Variants in ASTN2 observed in about 807,000 individuals in gnomAD.
ASTN2 encodes the protein astrotactin-2.
Under a neutral mutation model 139.8 loss-of-function variants are expected in ASTN2, and 54 were observed. The ratio of observed to expected loss-of-function variants is 0.39; its 90% CI spans 0.31 to 0.48. The LOEUF (loss-of-function observed/expected upper bound fraction) is 0.48. ASTN2 is among the 20% of genes least tolerant of loss of function. ASTN2 has a pLI of 0.95. For missense variants in ASTN2, 1,565 were observed against 1,725.1 expected (o/e 0.91, Z 1.64); for synonymous variants, 756 against 719.5 (o/e 1.05, Z -0.81).
intron 6 of ASTN2, among the ~76,000 whole-genome samples, chr9:117,025,323 C>T (rs1048407647): frequency 6.6e-6 from 1 of 152,140 alleles, no homozygotes; most frequent in African/African-American, 2.4e-5. Flanking sequence ...TGGCAATATG[C>T]CCACAATGTG....
rs12343084 is a variant in ASTN2, at chr9:116,522,925, A to T, written c.3356-35425T>A. Among the ~76,000 whole-genome samples, 26 of 152,316 alleles carry T rather than the reference A, an allele frequency of 1.7e-4. No homozygotes were observed. In the South Asian group the frequency reaches 2.3e-3, roughly 13 times the overall value. On this transcript the variant is annotated intron_variant, in intron 19 of 22. Transcript: ENST00000313400. ...AGCTATTAACTATGAATAAAAAAAT[A>T]AAATTTAGAAATTCTACGGCTATCA...
intron 1 of ASTN2, among the ~76,000 whole-genome samples, chr9:117,300,514 G>A (rs1834849013): frequency 6.6e-6 from 1 of 152,228 alleles, no homozygotes; most frequent in Admixed American, 6.5e-5. Context: ...GATGATAAGT[G>A]TGTGGTAATG....
intron 10 of ASTN2, among the ~76,000 whole-genome samples, chr9:116,869,081 A>C (rs1833088219): frequency 6.6e-6 from 1 of 152,116 alleles, no homozygotes. Flanking sequence ...GCTACTCGGG[A>C]GGCTGAAGCA....
chr9:116,487,977 T>C (rs1023285799), intron 19 of ASTN2, among the ~76,000 whole-genome samples: 2 of 152,152 alleles, frequency 1.3e-5, no homozygotes, highest in African/African-American at 4.8e-5. Flanking sequence ...CTGTTAGGCA[T>C]GGGTACTGGA....
intron 13 of ASTN2, among the ~76,000 whole-genome samples, chr9:116,788,456 A>T (rs1400482103): frequency 6.6e-6 from 1 of 152,206 alleles, no homozygotes; most frequent in South Asian, 2.1e-4. Flanking sequence ...TAGTATTTGT[A>T]CATTAAAATA....
intron 13 of ASTN2, among the ~76,000 whole-genome samples, chr9:116,793,200 G>T (rs1289359128): frequency 6.6e-6 from 1 of 152,034 alleles, no homozygotes; most frequent in African/African-American, 2.4e-5. Flanking sequence ...TTTGTCCTAC[G>T]GATATATTAG....
At chr9:116,976,545 G>A (rs555750844) in intron 8 of ASTN2, among the ~76,000 whole-genome samples, 156 bp downstream of exon 8, 1 of 152,288 alleles carries the variant, frequency 6.6e-6, no homozygotes, top group East Asian at 1.9e-4. Context: ...GATTCCATGG[G>A]AAAGTAGGAT....
intron 19 of ASTN2, among the ~76,000 whole-genome samples, chr9:116,542,762 C>G (rs991966432): frequency 1.3e-5 from 2 of 151,308 alleles, no homozygotes; most frequent in Non-Finnish European, 3.0e-5. Flanking sequence ...TCCAAAAATA[C>G]AAAAAGTAGC....
chr9:116,898,056 A>C lies in ASTN2; in HGVS notation c.1890-34323T>G, dbSNP rs60744800. On this transcript the variant is annotated intron_variant, in intron 10 of 22. Transcript: ENST00000313400. ...CATGCATTTTTAAGTGAACTTAAAA[A>C]AAGAGAGAAATGTCTAGTACGTAGC... is the stretch of plus-strand genomic sequence containing the variant. 4.0e-3 allele frequency among the ~76,000 whole-genome samples: 610 copies of C among 152,258 alleles called. 5 individuals are homozygous for C. The highest frequency in any genetic ancestry group is 0.014 in the African/African-American group (580 of 41,542).
intron 17 of ASTN2, among the ~76,000 whole-genome samples, chr9:116,628,552 C>T (rs1032331693): frequency 6.6e-6 from 1 of 151,898 alleles, no homozygotes; most frequent in Non-Finnish European, 1.5e-5. Context: ...TAAAAGGATC[C>T]GTGGTTTCCA....
intron 16 of ASTN2, chr9:116,697,530 A>G (rs1394563048): frequency 1.6e-6 from 1 of 614,846 alleles, no homozygotes; most frequent in Non-Finnish European, 2.8e-6. Context: ...GACATATAAT[A>G]GACCTCAATA....
intron 10 of ASTN2, among the ~76,000 whole-genome samples, chr9:116,936,086 A>AT: frequency 3.8e-3 from 1 of 260 alleles, no homozygotes; most frequent in Non-Finnish European, 6.0e-3. Flanking sequence ...CATCACCACT[A>AT]CCACCACCAC....
chr9:117,104,790 C>T (rs549275771), intron 4 of ASTN2, among the ~76,000 whole-genome samples: 1 of 152,222 alleles, frequency 6.6e-6, no homozygotes, highest in Admixed American at 6.5e-5. Context: ...ACAAAGATAC[C>T]TAATAAAAGC....
intron 2 of ASTN2, among the ~76,000 whole-genome samples, chr9:117,287,229 T>C (rs1300141020): frequency 6.6e-6 from 1 of 152,208 alleles, no homozygotes; most frequent in African/African-American, 2.4e-5. Context: ...TGGGGAATAT[T>C]ATTCCAGTTT....
chr9:116,698,639 G>C lies in ASTN2; in HGVS notation c.2806+27132C>G, dbSNP rs1861011036. On this transcript the variant is annotated intron_variant, in intron 16 of 22. Coordinates refer to ENST00000313400, the MANE Select transcript of ASTN2 (RefSeq NM_001365068.1). This position sits in a 1 kb window ranked among gnomAD's most constrained non-coding sequence, Gnocchi z 4.4. Reference sequence around the variant, plus strand: ...TTGGACAAGCTGTTAAGAAGCCCCGGACAGTTAACGTGGAAGATTCCTGGG... The same window carrying C: ...TTGGACAAGCTGTTAAGAAGCCCCGCACAGTTAACGTGGAAGATTCCTGGG... 2 of 1,614,030 alleles carry C rather than the reference G, an allele frequency of 1.2e-6. No homozygotes were observed. Among genetic ancestry groups the C allele is most frequent in the East Asian group, 2.2e-5 (1 of 44,882 alleles).
intron 19 of ASTN2, among the ~76,000 whole-genome samples, chr9:116,605,445 C>T (rs2131775938): frequency 6.6e-6 from 1 of 151,990 alleles, no homozygotes; most frequent in Non-Finnish European, 1.5e-5. Context: ...AAAAAAAATC[C>T]AGCAGGAGAG....
chr9:116,787,056 T>G (rs927617265), intron 13 of ASTN2, among the ~76,000 whole-genome samples: 2 of 152,248 alleles, frequency 1.3e-5, no homozygotes, highest in African/African-American at 4.8e-5. Context: ...CATGGGGAAC[T>G]GTGAGTCCAT....
At chr9:116,451,035 C>T (rs1848158744) in intron 20 of ASTN2, among the ~76,000 whole-genome samples, 1 of 152,122 alleles carries the variant, frequency 6.6e-6, no homozygotes, top group Non-Finnish European at 1.5e-5. Context: ...TTCAACCTCT[C>T]AAGCTGTATG....
intron 10 of ASTN2, among the ~76,000 whole-genome samples, chr9:116,895,511 T>G (rs750723193): frequency 1.1e-4 from 16 of 152,186 alleles, no homozygotes; most frequent in Non-Finnish European, 2.1e-4. Context: ...GTCATGGTTT[T>G]GGCACAGGGG....
Sources: allele counts gnomAD v4.1 joint callset (sites outside exome capture counted in the v4.1 genomes callset), GRCh38; gene constraint gnomAD v4.1.1; non-coding constraint Gnocchi (gnomAD v3.1); transcripts MANE v1.5; gene names NCBI Gene and HGNC (gene_info 2026-07-23, HGNC 2026-07-21).